The following COQ3 variants were observed in gnomAD, a reference collection of about 807,000 sequenced individuals.
COQ3 encodes the protein coenzyme Q3, methyltransferase, also known as ubiquinone biosynthesis O-methyltransferase, mitochondrial.
COQ3 carries 29 observed loss-of-function variants against 33.1 expected under a neutral mutation model. That is an observed-to-expected ratio of 0.88 (90% CI 0.65 to 1.19). The LOEUF (loss-of-function observed/expected upper bound fraction) is 1.19, where lower values mean the gene tolerates loss of function less well. Among genes scored for constraint, COQ3 ranks in the 50% most tolerant of loss-of-function variants. The probability of loss-of-function intolerance (pLI) is 0.00; values close to 1 mark genes in which losing one functional copy is unlikely to be tolerated. For synonymous variants in COQ3, 173 were observed against 157.8 expected (o/e 1.10, Z -0.72); for missense variants, 437 against 430.7 (o/e 1.01, Z -0.13).
chr6:99,370,159 A>G (rs1386067712), intron 6 of COQ3, among the ~76,000 whole-genome samples: 2 of 152,184 alleles, frequency 1.3e-5, no homozygotes, highest in Non-Finnish European at 2.9e-5. Flanking sequence ...CAGAACTTGT[A>G]TCATAGAACT....
chr6:99,391,370 C>T (rs1774824995), intron 1 of COQ3, among the ~76,000 whole-genome samples: 1 of 151,884 alleles, frequency 6.6e-6, no homozygotes, highest in Non-Finnish European at 1.5e-5. Flanking sequence ...TCCCAAAGTG[C>T]CGGGATTAAA....
At chr6:99,378,948 C>CTTT (rs144759090) in intron 3 of COQ3, among the ~76,000 whole-genome samples, 5 of 142,682 alleles carry the variant, frequency 3.5e-5, no homozygotes, top group African/African-American at 1.0e-4. Flanking sequence ...CAATTTCTTT[C>CTTT]TTTTTTTTTT....
rs201503654 is a variant in COQ3 at position 99,380,262 on chromosome 6, G to A, written c.313C>T (p.His105Tyr). The A allele has an allele frequency of 2.1e-4, 333 of 1,614,080 alleles. 1 individual carries two copies. The highest frequency in any genetic ancestry group is 1.3e-4 in the Non-Finnish European group (152 of 1,180,006). ...GEVKTFLALAHKWWDEQGVYA... is the reference protein window; with the variant it reads ...GEVKTFLALAYKWWDEQGVYA... ...ACTCCTTGTTCATCCCACCATTTGT[G>A]AGCCAGGGCCAAGAAGGTTTTTACC... The change falls in exon 3 of 7, where the codon CAC becomes TAC. Residue 105 changes from histidine to tyrosine, a missense_variant. Coordinates refer to ENST00000254759, the MANE Select transcript of COQ3 (RefSeq NM_017421.4).
chr6:99,369,817 C>T lies in COQ3; in HGVS notation c.893G>A (p.Gly298Asp), dbSNP rs1380735293. Residue 298 changes from glycine (G) to aspartate (D), a missense_variant, in exon 7 of 7, where the codon GGT (glycine) becomes GAT (aspartate). Physicochemically the swap from Gly to Asp is moderately conservative, Grantham distance 94. Transcript: ENST00000254759. ...TCCTACCACTGTTTGAACTGACAGA[C>T]CATCTGAAAAAAAAAAAAATCAGAA... is the stretch of plus-strand genomic sequence containing the variant. ...ETLESILESN[G>D]LSVQTVVGML... 6.4e-7 allele frequency: 1 copy of T among 1,553,518 alleles called. No individual in the cohort carries two copies. The highest frequency in any genetic ancestry group is 2.0e-5 in the Admixed American group (1 of 50,074).
rs1056251459 is a variant in COQ3 at position 99,394,079 on chromosome 6, G to A, written c.101C>T (p.Ser34Leu). ...ACCTCCGCACACACACTCACCCGCCGAGGAAATTAAGGGACGCGCAGCTTT... is the reference window on the plus strand; with the variant it reads ...ACCTCCGCACACACACTCACCCGCCAAGGAAATTAAGGGACGCGCAGCTTT... ...NTKAARPLIS[S>L]AVYVKNQLSG... The change falls in exon 1 of 7, where the codon TCG (serine) becomes TTG (leucine). Residue 34 changes from serine to leucine, a missense_variant. By Grantham distance (145) the Ser-to-Leu change is moderately radical. Coordinates refer to ENST00000254759, the MANE Select transcript of COQ3 (RefSeq NM_017421.4). The A allele has an allele frequency of 1.9e-6, 3 of 1,613,392 alleles. No homozygotes were observed. The highest frequency in any genetic ancestry group is 1.7e-4 in the Middle Eastern group (1 of 6,056).
At chr6:99,371,619 T>A in intron 5 of COQ3, 32 bp from the exon 6 acceptor site, 1 of 1,440,834 alleles carries the variant, frequency 6.9e-7, no homozygotes, top group Non-Finnish European at 9.6e-7. Context: ...AGAAGTAAAA[T>A]GTAAAAGACT....
At chr6:99,383,204 G>T (rs1354147340) in intron 2 of COQ3, 2 of 152,106 alleles carry the variant, frequency 1.3e-5, no homozygotes, top group Non-Finnish European at 1.5e-5. Context: ...TTAAAAGTTG[G>T]CTTATAAAAT....
chr6:99,384,231 T>C (rs1436024293), intron 1 of COQ3, among the ~76,000 whole-genome samples: 2 of 152,196 alleles, frequency 1.3e-5, no homozygotes, highest in African/African-American at 4.8e-5. Flanking sequence ...TACATTACAA[T>C]TGATAAACAA....
chr6:99,387,236 C>T (rs757808476), intron 1 of COQ3, among the ~76,000 whole-genome samples: 1 of 152,028 alleles, frequency 6.6e-6, no homozygotes, highest in Non-Finnish European at 1.5e-5. Context: ...ATTGTTTGAG[C>T]CCAGGAGTTT....
At chr6:99,375,351 T>C (rs570538761) in intron 5 of COQ3, among the ~76,000 whole-genome samples, 2 of 151,936 alleles carry the variant, frequency 1.3e-5, no homozygotes, top group East Asian at 3.9e-4. Context: ...CTGCTATAAG[T>C]GTATGGTTTT....
intron 1 of COQ3, among the ~76,000 whole-genome samples, chr6:99,388,898 C>CAA (rs1487568050): frequency 8.2e-5 from 3 of 36,624 alleles, no homozygotes; most frequent in Non-Finnish European, 2.4e-4. Flanking sequence ...CACGCACACA[C>CAA]ACACACACAC....
At chr6:99,379,208 AC>A (rs1774398056) in intron 3 of COQ3, among the ~76,000 whole-genome samples, 1 of 151,988 alleles carries the variant, frequency 6.6e-6, no homozygotes, top group African/African-American at 2.4e-5. Flanking sequence ...GAAATTACTT[AC>A]CTAGAAATAC....
At chr6:99,392,061 C>T (rs535680460) in intron 1 of COQ3, among the ~76,000 whole-genome samples, 6 of 152,154 alleles carry the variant, frequency 3.9e-5, no homozygotes, top group Admixed American at 6.5e-5. Context: ...CTTACCACAA[C>T]GGAAAGAGAG....
intron 1 of COQ3, among the ~76,000 whole-genome samples, chr6:99,386,919 C>T (rs1290829958): frequency 6.6e-6 from 1 of 152,108 alleles, no homozygotes; most frequent in Admixed American, 6.5e-5. Flanking sequence ...GAATACTTCC[C>T]AGGCCATTTT....
In COQ3 at chr6:99,373,389, C is replaced by T. The variant is rs139619057; in HGVS notation, c.730-1802G>A. Among the ~76,000 whole-genome samples the T allele has an allele frequency of 7.3e-3, 1,106 of 151,938 alleles. 21 individuals carry two copies. The highest frequency in any genetic ancestry group is 0.024 in the African/African-American group (1,004 of 41,418). On this transcript the variant is annotated intron_variant, in intron 5 of 6. Transcript: ENST00000254759. ...GAGGTTTTAGTGAGCTATGATGGTGCCACTGCACTCCAGCCTGGGTGACAG... is the reference window on the plus strand; with the variant it reads ...GAGGTTTTAGTGAGCTATGATGGTGTCACTGCACTCCAGCCTGGGTGACAG...
chr6:99,389,698 C>CCTA (rs1774769198), intron 1 of COQ3, among the ~76,000 whole-genome samples: 1 of 152,146 alleles, frequency 6.6e-6, no homozygotes, highest in South Asian at 2.1e-4. Context: ...TTTCTCTTCA[C>CCTA]CTACCAACAT....
In COQ3 at chr6:99,369,606, C is replaced by A; in HGVS notation, c.1104G>T (p.Lys368Asn). 5 of 1,611,336 alleles carry A rather than the reference C, an allele frequency of 3.1e-6. No individual in the cohort carries two copies. The highest frequency in any genetic ancestry group is 1.3e-5 in the African/African-American group (1 of 74,962). The change falls in exon 7 of 7, where the codon AAG (lysine) becomes AAT (asparagine). Residue 368 changes from lysine (K) to asparagine (N), a missense_variant. Physicochemically the swap from Lys to Asn is moderately conservative, Grantham distance 94 (BLOSUM62 0). Coordinates refer to ENST00000254759, the MANE Select transcript of COQ3 (RefSeq NM_017421.4). The part of the protein sequence containing the change: ...CTNPAVHEKL[K>N]K ...TATAGTTCTCAGAAACAATTCATTT[C>A]TTCAGCTTTTCATGCACAGCTGGAT...
At chr6:99,392,766 C>T (rs954638055) in intron 1 of COQ3, among the ~76,000 whole-genome samples, 7 of 152,094 alleles carry the variant, frequency 4.6e-5, no homozygotes, top group Non-Finnish European at 1.5e-5. Context: ...GCTGGGATTA[C>T]AGGCGCCTGC....
At chr6:99,385,436 A>C (rs1156858390) in intron 1 of COQ3, among the ~76,000 whole-genome samples, 1 of 152,230 alleles carries the variant, frequency 6.6e-6, no homozygotes, top group African/African-American at 2.4e-5. Context: ...GTGAAATCAC[A>C]CAAACTATAG....
Sources: allele counts gnomAD v4.1 joint callset (sites outside exome capture counted in the v4.1 genomes callset), GRCh38; gene constraint gnomAD v4.1.1; transcripts MANE v1.5; gene names NCBI Gene and HGNC (gene_info 2026-07-23, HGNC 2026-07-21).